Variants in OCIAD1 observed in about 807,000 individuals in gnomAD.
The protein encoded by OCIAD1 is OCIA domain-containing protein 1.
In OCIAD1, 29 loss-of-function variants were observed where a neutral mutation model predicts 38.9. That is an observed-to-expected ratio of 0.74 (90% CI 0.55 to 1.02). The LOEUF (loss-of-function observed/expected upper bound fraction) is 1.02. Ranked by LOEUF, OCIAD1 falls within the 50% of genes least tolerant of loss-of-function variation. OCIAD1 has a pLI of 0.00. For missense variants in OCIAD1, 288 were observed against 289.6 expected (o/e 0.99, Z 0.04); for synonymous variants, 110 against 92.0 (o/e 1.20, Z -1.12).
chr4:48,827,861 C>T (rs1777265641), upstream of OCIAD1, among the ~76,000 whole-genome samples: 1 of 152,196 alleles, frequency 6.6e-6, no homozygotes, highest in Non-Finnish European at 1.5e-5. Context: ...TGGGTGGGGA[C>T]TTGGAGAACT....
chr4:48,842,505 C>T (rs1331768139), intron 3 of OCIAD1, 131 bp from the exon 4 acceptor site: 2 of 635,132 alleles, frequency 3.1e-6, no homozygotes, highest in Non-Finnish European at 2.8e-6. Flanking sequence ...AAAAATGGAA[C>T]AGTCTTTTTT....
intron 1 of OCIAD1, among the ~76,000 whole-genome samples, chr4:48,817,960 G>GGGT (rs1777157701): frequency 6.6e-6 from 1 of 152,240 alleles, no homozygotes; most frequent in South Asian, 2.1e-4. Context: ...CTGGGGGAAG[G>GGGT]GGTGGTTGTG....
chr4:48,810,429 A>G (rs1032418721), intron 1 of OCIAD1, among the ~76,000 whole-genome samples: 1 of 146,964 alleles, frequency 6.8e-6, no homozygotes, highest in African/African-American at 2.5e-5. Context: ...AGATCGCACC[A>G]CTGCACTCCA....
At chr4:48,821,522 C>T (rs1336869715) in intron 1 of OCIAD1, among the ~76,000 whole-genome samples, 5 of 152,074 alleles carry the variant, frequency 3.3e-5, no homozygotes, top group African/African-American at 9.7e-5. Flanking sequence ...TCCTATTTAA[C>T]GTAGTATTGG....
intron 3 of OCIAD1, among the ~76,000 whole-genome samples, chr4:48,841,956 A>G (rs1013277953): frequency 6.6e-6 from 1 of 152,214 alleles, no homozygotes; most frequent in African/African-American, 2.4e-5. Context: ...TTTTTGCCCC[A>G]GCCACCGTAT....
upstream of OCIAD1, among the ~76,000 whole-genome samples, chr4:48,826,794 C>T (rs1333531053): frequency 6.6e-6 from 1 of 152,198 alleles, no homozygotes; most frequent in African/African-American, 2.4e-5. Flanking sequence ...ATCTTGCTTT[C>T]TCTAAACAGC....
chr4:48,850,437 A>T (rs533595062), intron 6 of OCIAD1, among the ~76,000 whole-genome samples: 42 of 152,000 alleles, frequency 2.8e-4, no homozygotes, highest in African/African-American at 8.0e-4. Flanking sequence ...TTAAAAAAAA[A>T]TTTTTTTTAT....
chr4:48,819,751 G>A (rs1173827131), intron 1 of OCIAD1, among the ~76,000 whole-genome samples: 1 of 69,872 alleles, frequency 1.4e-5, no homozygotes, highest in Non-Finnish European at 3.7e-5. Flanking sequence ...AAAAGGAGGG[G>A]TTGCAATCCC....
In OCIAD1 at chr4:48,851,694, A is replaced by G. The variant is rs529877820; in HGVS notation, c.378-112A>G. 17 of 505,468 alleles carry G rather than the reference A, an allele frequency of 3.4e-5. No individual in the cohort carries two copies. In the South Asian group the frequency reaches 7.3e-4, roughly 22 times the overall value. 31.3% of individuals were successfully genotyped at this position (505,468 alleles called of 1,614,324 possible). A position where few individuals can be genotyped will look rare whatever the true frequency, so the allele number is the denominator to read the frequency against. ...CTGTCTCAAAAAAATAAAAAAAATT[A>G]TATGTATATATAATTTTGGAAATAA... On this transcript the variant is annotated intron_variant, in intron 6 of 8. Coordinates refer to ENST00000264312, the MANE Select transcript of OCIAD1 (RefSeq NM_017830.4).
intron 4 of OCIAD1, among the ~76,000 whole-genome samples, chr4:48,846,923 T>G (rs1273944631): frequency 6.6e-6 from 1 of 152,242 alleles, no homozygotes; most frequent in African/African-American, 2.4e-5. Context: ...CTATCTGAAC[T>G]GTGCATTGAT....
intron 3 of OCIAD1, among the ~76,000 whole-genome samples, chr4:48,836,134 A>C (rs1777962511): frequency 6.6e-6 from 1 of 152,086 alleles, no homozygotes; most frequent in South Asian, 2.1e-4. Context: ...GAAGGGTGAG[A>C]AGTTGTACTT....
chr4:48,860,921 C>A lies in OCIAD1; in HGVS notation c.*159C>A. On this transcript the variant is annotated 3_prime_UTR_variant, in exon 9 of 9. Transcript: ENST00000264312. ...TGACTTCTATGGTGTTTTAAAAAAACACAGATTTTTAGTGTTAATATTGTG... is the reference window on the plus strand; with the variant it reads ...TGACTTCTATGGTGTTTTAAAAAAAAACAGATTTTTAGTGTTAATATTGTG... 1 of 639,170 alleles carries A rather than the reference C, an allele frequency of 1.6e-6. No individual in the cohort carries two copies. Among genetic ancestry groups the A allele is most frequent in the Non-Finnish European group, 2.8e-6 (1 of 355,102 alleles). The allele number at this position is 639,170 out of a possible 1,614,324, so 39.6% of individuals were successfully genotyped here. A position where few individuals can be genotyped will look rare whatever the true frequency, so the allele number is the denominator to read the frequency against.
At chr4:48,828,289 T>G (rs1303459705), upstream of OCIAD1, among the ~76,000 whole-genome samples, 1 of 152,110 alleles carries the variant, frequency 6.6e-6, no homozygotes, top group Non-Finnish European at 1.5e-5. Flanking sequence ...AGCTCATGGA[T>G]TGTAAATGCA....
rs200857845 is a variant in OCIAD1 at position 48,857,399 on chromosome 4, G to T, written c.700+34G>T. 1.9e-4 allele frequency: 269 copies of T among 1,410,270 alleles called. 4 individuals are homozygous for T. The South Asian group carries it at 4.1e-3, about 22-fold the overall frequency. 87.4% of individuals were successfully genotyped at this position (1,410,270 alleles called of 1,614,324 possible). On this transcript the variant is annotated intron_variant, in intron 8 of 8. Transcript: ENST00000264312. ...GTTTAGTCTGAATCACTTTACTGTTGAGGATTGGAAACTAAAACATTACTT... is the reference window on the plus strand; with the variant it reads ...GTTTAGTCTGAATCACTTTACTGTTTAGGATTGGAAACTAAAACATTACTT...
At position 48,832,547 on chromosome 4, in the gene OCIAD1, T is replaced by G. The variant is rs1777602006; in HGVS notation, c.-5-73T>G. 3 of 1,087,604 alleles carry G rather than the reference T, an allele frequency of 2.8e-6. No individual in the cohort carries two copies. In the East Asian group the frequency reaches 7.1e-5, roughly 26 times the overall value. The allele number at this position is 1,087,604 out of a possible 1,614,324, so 67.4% of individuals were successfully genotyped here. ...TGTGTAGACTAGTAGTTTTACTATA[T>G]CATACGTCTTGATTTACTTTGACCT... On this transcript the variant is annotated intron_variant, in intron 1 of 8. Transcript: ENST00000264312.
At chr4:48,821,372 A>T (rs1034155706) in intron 1 of OCIAD1, among the ~76,000 whole-genome samples, 6 of 152,216 alleles carry the variant, frequency 3.9e-5, no homozygotes, top group African/African-American at 1.2e-4. Flanking sequence ...AAAAACTCTC[A>T]ATAAACTAGG....
chr4:48,810,130 T>C (rs1187776304), intron 1 of OCIAD1, among the ~76,000 whole-genome samples: 1 of 152,138 alleles, frequency 6.6e-6, no homozygotes. Context: ...ATTATTATTA[T>C]CTCTGCCAAA....
intron 8 of OCIAD1, among the ~76,000 whole-genome samples, chr4:48,858,744 T>C (rs1326498907): frequency 1.3e-5 from 2 of 152,214 alleles, no homozygotes; most frequent in Non-Finnish European, 2.9e-5. Context: ...TGGGAGCCAC[T>C]GTGCCTGACC....
intron 3 of OCIAD1, among the ~76,000 whole-genome samples, chr4:48,840,591 T>A (rs1379253197): frequency 5.3e-5 from 8 of 152,216 alleles, no homozygotes; most frequent in Non-Finnish European, 8.8e-5. Context: ...AATGTCTTAA[T>A]TACTTTGGTT....
Sources: gnomAD v4.1 joint callset for allele counts (sites outside exome capture counted in the v4.1 genomes callset) on GRCh38, gnomAD v4.1.1 for gene constraint, MANE v1.5 for transcripts, NCBI Gene and HGNC (gene_info 2026-07-23, HGNC 2026-07-21) for gene names.